The following SHISA6 variants were observed in gnomAD, a reference collection of about 807,000 sequenced individuals.
SHISA6 encodes the protein shisa family member 6, also known as protein shisa-6.
A neutral mutation model predicts 47.9 loss-of-function variants in SHISA6; 22 were observed. The ratio of observed to expected loss-of-function variants is 0.46; its 90% CI spans 0.33 to 0.66. The LOEUF (loss-of-function observed/expected upper bound fraction) is 0.66. SHISA6 is among the 30% of genes least tolerant of loss of function. The probability of loss-of-function intolerance (pLI) is 0.02; values close to 1 mark genes in which losing one functional copy is unlikely to be tolerated. For missense variants in SHISA6, 680 were observed against 764.6 expected (o/e 0.89, Z 1.30); for synonymous variants, 388 against 337.8 (o/e 1.15, Z -1.63).
intron 2 of SHISA6, among the ~76,000 whole-genome samples, chr17:11,351,717 A>G (rs1273002105): frequency 2.0e-5 from 3 of 152,250 alleles, no homozygotes; most frequent in Non-Finnish European, 2.9e-5. Context: ...ATAGGCCCTA[A>G]GCACATATTT....
chr17:11,555,871 T>G lies in SHISA6; in HGVS notation c.1084T>G (p.Tyr362Asp). The G allele has an allele frequency of 6.5e-7, 1 of 1,546,260 alleles. No homozygotes were observed. Among genetic ancestry groups the G allele is most frequent in the Non-Finnish European group, 8.7e-7 (1 of 1,144,904 alleles). ...ESAVKTNPSK[Y>D]SSLKRLTDKE... ...TGCAGTAAAGACCAACCCCAGCAAGTATTCATCTCTGAAGAGGCTAAGTAA... is the reference window on the plus strand; with the variant it reads ...TGCAGTAAAGACCAACCCCAGCAAGGATTCATCTCTGAAGAGGCTAAGTAA... Residue 362 changes from tyrosine to aspartate, a missense_variant, in exon 5 of 6, where the codon TAT (tyrosine) becomes GAT (aspartate). This residue lies in a region of SHISA6 where 559 missense variants were observed against 674.1 expected (regional missense o/e 0.83). Coordinates refer to ENST00000441885, the MANE Select transcript of SHISA6 (RefSeq NM_207386.4).
At chr17:11,333,875 C>G (rs1911220624) in intron 2 of SHISA6, among the ~76,000 whole-genome samples, 1 of 152,150 alleles carries the variant, frequency 6.6e-6, no homozygotes, top group Non-Finnish European at 1.5e-5. Context: ...ATTCAGAGAG[C>G]TTCTGGTCTG....
intron 2 of SHISA6, among the ~76,000 whole-genome samples, chr17:11,327,002 T>A (rs1910917767): frequency 6.6e-6 from 1 of 152,210 alleles, no homozygotes; most frequent in African/African-American, 2.4e-5. Flanking sequence ...TCTTGAACTC[T>A]GTGGACATGT....
intron 2 of SHISA6, among the ~76,000 whole-genome samples, chr17:11,284,505 T>C (rs915577883): frequency 6.6e-6 from 1 of 152,146 alleles, no homozygotes; most frequent in Non-Finnish European, 1.5e-5. Flanking sequence ...CCCCAAATAA[T>C]GTGGAATTTA....
At chr17:11,441,184 G>C (rs1211791690) in intron 3 of SHISA6, among the ~76,000 whole-genome samples, 1 of 152,210 alleles carries the variant, frequency 6.6e-6, no homozygotes, top group African/African-American at 2.4e-5. Context: ...TAAAGGCGTA[G>C]ACTGGGGCAG....
At chr17:11,462,173 C>G (rs147853017) in intron 3 of SHISA6, among the ~76,000 whole-genome samples, 15 of 152,154 alleles carry the variant, frequency 9.9e-5, no homozygotes, top group African/African-American at 3.6e-4. Context: ...GCTTTCCCTC[C>G]CCCTCTTGCT....
At chr17:11,556,189 C>T (rs2071977855) in intron 5 of SHISA6, among the ~76,000 whole-genome samples, 1 of 152,154 alleles carries the variant, frequency 6.6e-6, no homozygotes. Context: ...TCTCCCAGTC[C>T]CGCACGCAAC....
At chr17:11,261,500 C>T (rs540889802) in intron 1 of SHISA6, among the ~76,000 whole-genome samples, 2 of 152,326 alleles carry the variant, frequency 1.3e-5, no homozygotes, top group South Asian at 4.1e-4. Flanking sequence ...AGAGACAGCC[C>T]CTGGTAACCA....
At chr17:11,288,869 G>A (rs1213403073) in intron 2 of SHISA6, 3 of 152,096 alleles carry the variant, frequency 2.0e-5, no homozygotes, top group South Asian at 4.2e-4. Flanking sequence ...CCCGAAATGA[G>A]GCTAAATGAT....
intron 1 of SHISA6, among the ~76,000 whole-genome samples, chr17:11,251,132 C>T (rs932909127): frequency 6.6e-6 from 1 of 152,032 alleles, no homozygotes; most frequent in Non-Finnish European, 1.5e-5. Flanking sequence ...TTGGGTCTCA[C>T]CTTCCTGAAT....
intron 3 of SHISA6, among the ~76,000 whole-genome samples, chr17:11,382,336 C>A (rs1017868464): frequency 9.2e-5 from 14 of 152,194 alleles, no homozygotes; most frequent in African/African-American, 3.4e-4. Flanking sequence ...ACCTTCCCCT[C>A]CCAAAGTGCT....
At chr17:11,277,312 A>G (rs1908956958) in intron 2 of SHISA6, among the ~76,000 whole-genome samples, 2 of 144,604 alleles carry the variant, frequency 1.4e-5, no homozygotes, top group African/African-American at 5.4e-5. Context: ...ACACACACAC[A>G]CACACACCCC....
At chr17:11,374,724 A>G (rs1912737446) in intron 2 of SHISA6, among the ~76,000 whole-genome samples, 3 of 152,060 alleles carry the variant, frequency 2.0e-5, no homozygotes, top group Admixed American at 2.0e-4. Flanking sequence ...TAGCCCTTAA[A>G]TAGTAATAGT....
rs149677639 is a variant in SHISA6, at chr17:11,355,075, A to G, written c.800-24339A>G. ...TGGAGGTGTCATGTATTAGCACTTT[A>G]CTATTCACATGAGAGTGAAGCCCTT... On this transcript the variant is annotated intron_variant, in intron 2 of 5. Transcript: ENST00000441885. 3.3e-4 allele frequency among the ~76,000 whole-genome samples: 51 copies of G among 152,386 alleles called. No individual in the cohort carries two copies. The East Asian group carries it at 6.6e-3, about 20-fold the overall frequency.
At chr17:11,331,164 G>T (rs1911095484) in intron 2 of SHISA6, among the ~76,000 whole-genome samples, 1 of 152,138 alleles carries the variant, frequency 6.6e-6, no homozygotes, top group African/African-American at 2.4e-5. Flanking sequence ...TGGCTTTCCT[G>T]TCCCAGTGGC....
rs185306596 is a variant in SHISA6, at chr17:11,284,802, A to G, written c.799+21276A>G. 2.6e-5 allele frequency among the ~76,000 whole-genome samples: 4 copies of G among 152,366 alleles called. No homozygotes were observed. The East Asian group carries it at 7.7e-4, about 29-fold the overall frequency. ...ATGAATCCTACTTAAACTTTGCAGCAGTCATGAGATACAGTTCTTATGGCT... is the reference window on the plus strand; with the variant it reads ...ATGAATCCTACTTAAACTTTGCAGCGGTCATGAGATACAGTTCTTATGGCT... On this transcript the variant is annotated intron_variant, in intron 2 of 5. Transcript: ENST00000441885.
intron 2 of SHISA6, among the ~76,000 whole-genome samples, chr17:11,281,901 A>G (rs1909132113): frequency 6.6e-6 from 1 of 152,196 alleles, no homozygotes; most frequent in Non-Finnish European, 1.5e-5. Context: ...TCAAAATATA[A>G]CTCACACAAA....
intron 3 of SHISA6, among the ~76,000 whole-genome samples, chr17:11,534,032 C>CA (rs1170775173): frequency 2.6e-5 from 4 of 151,608 alleles, no homozygotes; most frequent in Non-Finnish European, 5.9e-5. Context: ...GGCTGGAGTG[C>CA]AATGGTGCAA....
intron 2 of SHISA6, among the ~76,000 whole-genome samples, chr17:11,303,136 C>T (rs532873633): frequency 1.9e-3 from 296 of 151,914 alleles, no homozygotes; most frequent in Middle Eastern, 0.014. Flanking sequence ...TGTGTGTGTA[C>T]GTATCAGTGT....
Sources: allele counts gnomAD v4.1 joint callset (sites outside exome capture counted in the v4.1 genomes callset), GRCh38; gene constraint gnomAD v4.1.1; regional missense constraint gnomAD v4.1.1; transcripts MANE v1.5; gene names NCBI Gene and HGNC (gene_info 2026-07-23, HGNC 2026-07-21).